Variants in AGBL4 observed in about 807,000 individuals in gnomAD.
AGBL4 encodes AGBL carboxypeptidase 4.
Under a neutral mutation model 66.4 loss-of-function variants are expected in AGBL4, and 58 were observed. The observed-to-expected ratio is 0.87, with a 90% CI of 0.71 to 1.09. The LOEUF is 1.09. Ranked by LOEUF, AGBL4 falls within the 50% of genes least tolerant of loss-of-function variation. The pLI is 0.00. For synonymous variants in AGBL4, 234 were observed against 222.9 expected, an observed-to-expected ratio of 1.05 and a Z score of -0.44; for missense variants, 579 against 631.0, an observed-to-expected ratio of 0.92 and a Z score of 0.88.
At chr1:49,917,354 A>T (rs1202557094) in intron 1 of AGBL4, among the ~76,000 whole-genome samples, 2 of 152,040 alleles carry the variant, frequency 1.3e-5, no homozygotes, top group East Asian at 3.9e-4. Flanking sequence ...TCGTGTGCAG[A>T]CACACATAGG....
At chr1:49,255,149 A>G (rs1019267831) in intron 3 of AGBL4, among the ~76,000 whole-genome samples, 22 of 152,204 alleles carry the variant, frequency 1.4e-4, no homozygotes, top group Admixed American at 1.2e-3. Flanking sequence ...CAACAAAAGC[A>G]AAAGTTGATA....
Position 48,968,109 on chromosome 1 carries a change from G to A in AGBL4, c.594+77475C>T, listed in dbSNP as rs1168546750. Among the ~76,000 whole-genome samples, 2 of 151,516 alleles carry A rather than the reference G, an allele frequency of 1.3e-5. 1 individual carries two copies. The highest frequency in any genetic ancestry group is 4.9e-5 in the African/African-American group (2 of 41,184). ...AGAAATCTCCCTGTCAGAGAGAACAGGAACTACCCTAAGGAAAAAACAGAT... is the reference window on the plus strand; with the variant it reads ...AGAAATCTCCCTGTCAGAGAGAACAAGAACTACCCTAAGGAAAAAACAGAT... On this transcript the variant is annotated intron_variant, in intron 5 of 13. Transcript: ENST00000371839.
chr1:49,317,503 A>G (rs1645060983), intron 3 of AGBL4, among the ~76,000 whole-genome samples: 1 of 151,898 alleles, frequency 6.6e-6, no homozygotes, highest in Non-Finnish European at 1.5e-5. Context: ...GAAGAATCCC[A>G]AAGTGCATTC....
chr1:48,822,667 T>C (rs183303933), intron 6 of AGBL4, among the ~76,000 whole-genome samples: 111 of 152,310 alleles, frequency 7.3e-4, no homozygotes, highest in African/African-American at 2.6e-3. Flanking sequence ...GTATTGTGAT[T>C]CCTCCAAATA....
At chr1:49,206,540 C>T (rs1352970864) in intron 4 of AGBL4, among the ~76,000 whole-genome samples, 1 of 152,066 alleles carries the variant, frequency 6.6e-6, no homozygotes, top group African/African-American at 2.4e-5. Flanking sequence ...CAAACCCCTT[C>T]CCTGACACTA....
intron 3 of AGBL4, among the ~76,000 whole-genome samples, chr1:49,528,451 C>G (rs181390008): frequency 2.4e-4 from 36 of 152,154 alleles, no homozygotes; most frequent in Non-Finnish European, 1.5e-5. Context: ...CCTCTGCTCT[C>G]TTTATGATTA....
intron 9 of AGBL4, among the ~76,000 whole-genome samples, chr1:48,617,147 A>G (rs1645332767): frequency 1.3e-5 from 2 of 152,228 alleles, no homozygotes; most frequent in Admixed American, 1.3e-4. Context: ...TGATGGATTC[A>G]TTCAAAGAAA....
intron 6 of AGBL4, among the ~76,000 whole-genome samples, chr1:48,714,000 T>C (rs558316821): frequency 6.6e-6 from 1 of 152,302 alleles, no homozygotes; most frequent in East Asian, 1.9e-4. Context: ...GAAGTACGAC[T>C]CATGTGTATT....
chr1:49,732,075 A>G (rs957288434), intron 2 of AGBL4, among the ~76,000 whole-genome samples: 2 of 152,290 alleles, frequency 1.3e-5, no homozygotes, highest in East Asian at 1.9e-4. Context: ...CAATTTGGAA[A>G]AGTGATGACC....
At chr1:48,657,716 G>A (rs773441659) in intron 7 of AGBL4, among the ~76,000 whole-genome samples, 5 of 152,188 alleles carry the variant, frequency 3.3e-5, no homozygotes, top group South Asian at 2.1e-4. Flanking sequence ...CTGCAACCCC[G>A]AGAGCATCAG....
intron 3 of AGBL4, among the ~76,000 whole-genome samples, chr1:49,561,546 G>C (rs1332188630): frequency 3.3e-5 from 5 of 151,938 alleles, no homozygotes; most frequent in East Asian, 3.9e-4. Flanking sequence ...CTATGAGTGA[G>C]AACATGTGGT....
At chr1:48,694,157 T>C (rs546185454) in intron 6 of AGBL4, among the ~76,000 whole-genome samples, 98 of 152,114 alleles carry the variant, frequency 6.4e-4, no homozygotes, top group South Asian at 1.2e-3. Context: ...TACAGGCAGT[T>C]GTCCTCCTAG....
At chr1:48,820,591 C>G (rs562627866) in intron 6 of AGBL4, among the ~76,000 whole-genome samples, 38 of 152,230 alleles carry the variant, frequency 2.5e-4, no homozygotes, top group African/African-American at 2.2e-4. Flanking sequence ...CTCCTCTTAC[C>G]TCCCTGATTT....
chr1:49,331,863 C>T (rs934849673), intron 3 of AGBL4, among the ~76,000 whole-genome samples: 1 of 151,788 alleles, frequency 6.6e-6, no homozygotes, highest in Non-Finnish European at 1.5e-5. Context: ...GACCTCCCAG[C>T]CAAGGCCTCC....
chr1:49,270,601 C>T (rs1049203739), intron 3 of AGBL4, among the ~76,000 whole-genome samples: 3 of 152,122 alleles, frequency 2.0e-5, no homozygotes, highest in East Asian at 3.9e-4. Flanking sequence ...TGACAAGATC[C>T]TTTTGCCTAC....
chr1:49,245,845 A>G lies in AGBL4; in HGVS notation c.302T>C (p.Val101Ala), dbSNP rs879927539. The G allele has an allele frequency of 6.5e-7, 1 of 1,549,270 alleles. No individual in the cohort carries two copies. ...KESQRVIFNI[V>A]NFSKTKSLYR... ...GAGACTCTTGGTTTTACTGAAGTTA[A>G]CAATGTTGAAAATGACCCTCTGAAA... Residue 101 changes from valine to alanine, a missense_variant, in exon 4 of 14, where the codon GTT becomes GCT. Transcript: ENST00000371839.
intron 11 of AGBL4, among the ~76,000 whole-genome samples, chr1:48,578,592 T>C (rs1199753522): frequency 1.3e-5 from 2 of 152,126 alleles, no homozygotes; most frequent in African/African-American, 2.4e-5. Context: ...ACCGAAAATT[T>C]AGTGAAGGCT....
At chr1:49,274,474 A>G (rs1489359267) in intron 3 of AGBL4, among the ~76,000 whole-genome samples, 1 of 152,194 alleles carries the variant, frequency 6.6e-6, no homozygotes, top group Non-Finnish European at 1.5e-5. Flanking sequence ...GTTAACAGTA[A>G]CAATTATGAT....
chr1:49,763,870 T>C (rs1257983694), intron 2 of AGBL4, among the ~76,000 whole-genome samples: 5 of 152,084 alleles, frequency 3.3e-5, no homozygotes, highest in Non-Finnish European at 7.4e-5. Flanking sequence ...ATCCCTAGGA[T>C]AGAGGCCACA....
Sources: gnomAD v4.1 joint callset for allele counts (sites outside exome capture counted in the v4.1 genomes callset) on GRCh38, gnomAD v4.1.1 for gene constraint, MANE v1.5 for transcripts, NCBI Gene and HGNC (gene_info 2026-07-23, HGNC 2026-07-21) for gene names.